Variants in GID4 observed in about 807,000 individuals in gnomAD.
GID4 encodes glucose-induced degradation protein 4 homolog.
Under a neutral mutation model 32.4 loss-of-function variants are expected in GID4, and 7 were observed. The observed-to-expected ratio is 0.22, with a 90% CI of 0.12 to 0.41. The LOEUF is 0.41. Among genes scored for constraint, GID4 ranks in the 10% least tolerant of loss-of-function variants. The probability of loss-of-function intolerance (pLI) is 1.00; values close to 1 mark genes in which losing one functional copy is unlikely to be tolerated. For missense variants in GID4, 309 were observed against 400.0 expected, an observed-to-expected ratio of 0.77 and a Z score of 1.94; for synonymous variants, 166 against 170.0, an observed-to-expected ratio of 0.98 and a Z score of 0.18.
At chr17:18,049,925 C>A (rs2044893798) in intron 2 of GID4, among the ~76,000 whole-genome samples, 1 of 152,138 alleles carries the variant, frequency 6.6e-6, no homozygotes, top group Non-Finnish European at 1.5e-5. Flanking sequence ...CCTATTGTTT[C>A]CTTCTTTGAG....
intron 5 of GID4, among the ~76,000 whole-genome samples, chr17:18,064,042 C>T (rs1567589889): frequency 6.6e-6 from 1 of 152,274 alleles, no homozygotes; most frequent in African/African-American, 2.4e-5. Context: ...CGTGCCCGGC[C>T]GGTATATACC....
intron 5 of GID4, among the ~76,000 whole-genome samples, chr17:18,063,126 T>C (rs2045030893): frequency 8.0e-6 from 1 of 125,060 alleles, no homozygotes; most frequent in African/African-American, 3.1e-5. Flanking sequence ...AAATAACAGC[T>C]TTGGTCCGGG....
intron 3 of GID4, among the ~76,000 whole-genome samples, chr17:18,054,590 A>T (rs1261014285): frequency 1.3e-5 from 2 of 152,122 alleles, no homozygotes; most frequent in African/African-American, 4.8e-5. Flanking sequence ...AAACCCTGTG[A>T]AACATGCAAT....
chr17:18,058,993 C>T, intron 4 of GID4, 24 bp downstream of exon 4: 1 of 1,376,484 alleles, frequency 7.3e-7, no homozygotes, highest in Non-Finnish European at 1.0e-6. Flanking sequence ...AGGTGGCCCT[C>T]CAGACTCCCA....
rs2045016953 is a variant in GID4, at chr17:18,061,420, CA to C, written c.709-424del. Among the ~76,000 whole-genome samples, 1 of 152,198 alleles carries C rather than the reference CA, an allele frequency of 6.6e-6. No homozygotes were observed. Among genetic ancestry groups the C allele is most frequent in the Non-Finnish European group, 1.5e-5 (1 of 68,028 alleles). ...GGTCCACAGACCTACAGAAGCGACT[CA>C]CTGTTCTAGATGTTATCAAGCATCT... On this transcript the variant is annotated intron_variant, in intron 4 of 5. Transcript: ENST00000268719. The surrounding 1 kb of genome is among the most constrained non-coding windows in gnomAD (Gnocchi z 4.4).
At chr17:18,056,342 AC>A (rs1280355805) in intron 3 of GID4, among the ~76,000 whole-genome samples, 43 of 152,244 alleles carry the variant, frequency 2.8e-4, no homozygotes, top group African/African-American at 1.0e-3. Context: ...AATGCACAAG[AC>A]CTGAGTATCC....
At chr17:18,055,064 T>A (rs990854435) in intron 3 of GID4, among the ~76,000 whole-genome samples, 9 of 150,676 alleles carry the variant, frequency 6.0e-5, no homozygotes, top group African/African-American at 2.0e-4. Flanking sequence ...CCAGCTACTC[T>A]GGAGGCTGAG....
Position 18,065,111 on chromosome 17 carries a change from G to T in GID4, c.840-69G>T, listed in dbSNP as rs531770476. ...TGTTGGGTGCTCTGCTTTTTGAGGG[G>T]TTACTAATGTCCTTTGCTCAGGGTG... On this transcript the variant is annotated intron_variant, in intron 5 of 5. Coordinates refer to ENST00000268719, the MANE Select transcript of GID4 (RefSeq NM_024052.5). 5 of 1,120,818 alleles carry T rather than the reference G, an allele frequency of 4.5e-6. No individual in the cohort carries two copies. In the Admixed American group the frequency reaches 6.8e-5, roughly 15 times the overall value. The allele number at this position is 1,120,818 out of a possible 1,614,324, so 69.4% of individuals were successfully genotyped here.
Position 18,056,873 on chromosome 17 carries a change from A to G in GID4, c.607-1995A>G, listed in dbSNP as rs1364094637. 3.2e-6 allele frequency: 5 copies of G among 1,550,592 alleles called. No individual in the cohort carries two copies. In the Admixed American group the frequency reaches 5.9e-5, roughly 18 times the overall value. On this transcript the variant is annotated intron_variant, in intron 3 of 5. Transcript: ENST00000268719. Reference sequence around the variant, plus strand: ...TCCAACAGTTTGTGGCTGCTTTTGTAGTACTCAGCATTTCCCCTAACTTTC... The same window carrying G: ...TCCAACAGTTTGTGGCTGCTTTTGTGGTACTCAGCATTTCCCCTAACTTTC...
At chr17:18,063,075 A>AAAAT (rs140677914) in intron 5 of GID4, among the ~76,000 whole-genome samples, 3,973 of 123,596 alleles carry the variant, frequency 0.032, 85 homozygotes, top group Admixed American at 0.054. Context: ...CACCATCTCA[A>AAAAT]AAATAAATAA....
chr17:18,065,082 G>T, intron 5 of GID4, 98 bp from the exon 6 acceptor site: 1 of 833,684 alleles, frequency 1.2e-6, no homozygotes, highest in South Asian at 1.4e-5. Flanking sequence ...CCAAGTATGT[G>T]ACTTGTTGGG....
intron 3 of GID4, among the ~76,000 whole-genome samples, chr17:18,056,353 C>G (rs1182852628): frequency 6.6e-6 from 1 of 152,148 alleles, no homozygotes; most frequent in Non-Finnish European, 1.5e-5. Flanking sequence ...CCTGAGTATC[C>G]AGAAGGTTGG....
At chr17:18,057,180 C>T in intron 3 of GID4, 1 of 1,014,050 alleles carries the variant, frequency 9.9e-7, no homozygotes, top group Non-Finnish European at 1.4e-6. Context: ...GCCTGTAATG[C>T]CAGCACTTTG....
intron 2 of GID4, 103 bp from the exon 3 acceptor site, chr17:18,054,024 C>G (rs1005801812): frequency 1.6e-6 from 1 of 613,346 alleles, no homozygotes; most frequent in Admixed American, 2.8e-5. Context: ...GTAGCAGTGT[C>G]TAGGTACTGG....
At chr17:18,056,971 G>A in intron 3 of GID4, 1 of 1,550,568 alleles carries the variant, frequency 6.4e-7, no homozygotes, top group Non-Finnish European at 8.7e-7. Context: ...GTTTGTCTGA[G>A]ATTTACAATG....
chr17:18,049,197 A>G (rs1196319520), intron 2 of GID4, among the ~76,000 whole-genome samples: 2 of 151,604 alleles, frequency 1.3e-5, no homozygotes, highest in Non-Finnish European at 2.9e-5. Flanking sequence ...TTAGCTGGAC[A>G]TGGTGGCGGG....
In GID4 at chr17:18,068,017, G is replaced by A. The variant is rs2142159743; in HGVS notation, c.*2774G>A. 6.5e-6 allele frequency: 1 copy of A among 152,740 alleles called. No individual in the cohort carries two copies. The highest frequency in any genetic ancestry group is 1.9e-4 in the East Asian group (1 of 5,192). 9.5% of individuals were successfully genotyped at this position (152,740 alleles called of 1,614,324 possible). ...TCTGTGTGCTGGTTTTGTTGGTTAT[G>A]TGGAAATCACAAACTCCAGAGGAGC... is the stretch of plus-strand genomic sequence containing the variant. On this transcript the variant is annotated 3_prime_UTR_variant, in exon 6 of 6. Transcript: ENST00000268719.
In GID4 at chr17:18,061,765, AC is replaced by A. The variant is rs943839674; in HGVS notation, c.709-75del. 13 of 1,374,892 alleles carry A rather than the reference AC, an allele frequency of 9.5e-6. No homozygotes were observed. In the African/African-American group the frequency reaches 1.9e-4, roughly 20 times the overall value. 85.2% of individuals were successfully genotyped at this position (1,374,892 alleles called of 1,614,324 possible). On this transcript the variant is annotated intron_variant, in intron 4 of 5. Transcript: ENST00000268719. The surrounding 1 kb of genome is among the most constrained non-coding windows in gnomAD (Gnocchi z 4.4). ...ATATTTTTCTCGAGTGGTCCTTAGA[AC>A]CCCCTGATGCTTAACAGGGAGGCCC... is the stretch of plus-strand genomic sequence containing the variant.
chr17:18,049,217 T>A (rs929790786), intron 2 of GID4, among the ~76,000 whole-genome samples: 3 of 151,112 alleles, frequency 2.0e-5, no homozygotes, highest in African/African-American at 7.3e-5. Flanking sequence ...GCACCTGTAA[T>A]CCCAGCTACT....
Sources: allele counts gnomAD v4.1 joint callset (sites outside exome capture counted in the v4.1 genomes callset), GRCh38; gene constraint gnomAD v4.1.1; non-coding constraint Gnocchi (gnomAD v3.1); transcripts MANE v1.5; gene names NCBI Gene and HGNC (gene_info 2026-07-23, HGNC 2026-07-21).